COMMD10: variants seen among roughly 807,000 people sequenced by gnomAD.
The protein encoded by COMMD10 is COMM domain containing 10.
In COMMD10, 33 loss-of-function variants were observed where a neutral mutation model predicts 28.9. The observed-to-expected ratio is 1.14, with a 90% confidence interval of 0.87 to 1.53. The LOEUF is 1.53. Ranked by LOEUF, COMMD10 falls within the 40% of genes most tolerant of loss-of-function variation. The probability of loss-of-function intolerance (pLI) is 0.00; values close to 1 mark genes in which losing one functional copy is unlikely to be tolerated. For synonymous variants in COMMD10, 110 were observed against 81.7 expected (o/e 1.35, Z -1.87); for missense variants, 310 against 233.4 (o/e 1.33, Z -2.14).
intron 5 of COMMD10, among the ~76,000 whole-genome samples, chr5:116,194,869 A>G (rs1254325823): frequency 6.6e-6 from 1 of 152,154 alleles, no homozygotes; most frequent in East Asian, 1.9e-4. Context: ...CAAAAAAAGA[A>G]AACTACAGAC....
At chr5:116,161,335 GC>G (rs1752909721) in intron 5 of COMMD10, among the ~76,000 whole-genome samples, 2 of 152,120 alleles carry the variant, frequency 1.3e-5, no homozygotes, top group South Asian at 4.1e-4. Context: ...ATGGTTTAGT[GC>G]CGGCTGTATA....
chr5:116,112,017 T>C (rs1210630689), intron 4 of COMMD10, among the ~76,000 whole-genome samples: 1 of 152,200 alleles, frequency 6.6e-6, no homozygotes, highest in Non-Finnish European at 1.5e-5. Flanking sequence ...TATCAGGTTT[T>C]ATACTTTTGT....
At chr5:116,283,222 A>G (rs1414274684) in intron 5 of COMMD10, among the ~76,000 whole-genome samples, 1 of 151,940 alleles carries the variant, frequency 6.6e-6, no homozygotes, top group Non-Finnish European at 1.5e-5. Flanking sequence ...AAAAACGATG[A>G]CAGCAATAAA....
At chr5:116,135,196 A>G (rs550372667) in intron 5 of COMMD10, among the ~76,000 whole-genome samples, 142 of 152,302 alleles carry the variant, frequency 9.3e-4, no homozygotes, top group African/African-American at 3.2e-3. Flanking sequence ...GGTATTAGAG[A>G]AGATCTGAGG....
At chr5:116,239,898 G>A (rs1019510443) in intron 5 of COMMD10, among the ~76,000 whole-genome samples, 3 of 152,060 alleles carry the variant, frequency 2.0e-5, no homozygotes, top group South Asian at 2.1e-4. Context: ...CAACTGATTG[G>A]CACTATCTAC....
chr5:116,269,028 A>G (rs913128407), intron 5 of COMMD10, among the ~76,000 whole-genome samples: 5 of 151,874 alleles, frequency 3.3e-5, no homozygotes, highest in Admixed American at 1.3e-4. Flanking sequence ...GCACACCAAC[A>G]TGGCACGTGT....
At chr5:116,238,281 A>G (rs904251434) in intron 5 of COMMD10, among the ~76,000 whole-genome samples, 1 of 152,228 alleles carries the variant, frequency 6.6e-6, no homozygotes, top group African/African-American at 2.4e-5. Context: ...GAAAAACTGC[A>G]CATATTTACT....
chr5:116,153,031 A>C (rs1400967563), intron 5 of COMMD10, among the ~76,000 whole-genome samples: 1 of 152,084 alleles, frequency 6.6e-6, no homozygotes, highest in East Asian at 1.9e-4. Context: ...TTTAATAATA[A>C]GACTGCTACT....
intron 5 of COMMD10, among the ~76,000 whole-genome samples, chr5:116,174,827 C>T (rs1753448537): frequency 6.6e-6 from 1 of 152,120 alleles, no homozygotes; most frequent in South Asian, 2.1e-4. Context: ...AACAGTTGTC[C>T]TTGAAGTCTA....
intron 5 of COMMD10, among the ~76,000 whole-genome samples, chr5:116,160,352 A>G (rs1314243370): frequency 6.6e-6 from 1 of 152,210 alleles, no homozygotes; most frequent in Non-Finnish European, 1.5e-5. Context: ...TTGTTCCTGC[A>G]TTTGGCAATG....
At chr5:116,255,792 T>C (rs1750267269) in intron 5 of COMMD10, 1 of 151,274 alleles carries the variant, frequency 6.6e-6, no homozygotes, top group Admixed American at 6.6e-5. Context: ...GAGTGCTTAC[T>C]TTTTCGGGTT....
chr5:116,197,734 T>G (rs1748565810), intron 5 of COMMD10, among the ~76,000 whole-genome samples: 1 of 152,116 alleles, frequency 6.6e-6, no homozygotes, highest in Non-Finnish European at 1.5e-5. Flanking sequence ...TTCTGCCATT[T>G]TATTCACCTT....
chr5:116,125,264 G>A (rs1292958495), intron 4 of COMMD10, among the ~76,000 whole-genome samples: 3 of 151,968 alleles, frequency 2.0e-5, no homozygotes, highest in African/African-American at 7.2e-5. Flanking sequence ...GACAAAGTCT[G>A]TCAGCATTTG....
intron 4 of COMMD10, among the ~76,000 whole-genome samples, chr5:116,119,088 A>G (rs1469706991): frequency 6.6e-6 from 1 of 152,140 alleles, no homozygotes; most frequent in Non-Finnish European, 1.5e-5. Context: ...ATCTTCATAT[A>G]TTCTTGGTAT....
At chr5:116,101,042 T>C (rs1750643464) in intron 4 of COMMD10, among the ~76,000 whole-genome samples, 1 of 152,234 alleles carries the variant, frequency 6.6e-6, no homozygotes, top group Non-Finnish European at 1.5e-5. Flanking sequence ...TGGCCTCCAG[T>C]TTCATCCAAG....
chr5:116,291,592 A>G lies in COMMD10; in HGVS notation c.570+16A>G. The G allele has an allele frequency of 7.1e-7, 1 of 1,418,406 alleles. No homozygotes were observed. The highest frequency in any genetic ancestry group is 9.8e-7 in the Non-Finnish European group (1 of 1,025,056). The allele number at this position is 1,418,406 out of a possible 1,614,324, so 87.9% of individuals were successfully genotyped here. On this transcript the variant is annotated intron_variant, in intron 6 of 6. Coordinates refer to ENST00000274458, the MANE Select transcript of COMMD10 (RefSeq NM_016144.4). ...CTATAACAAGGTCTGTATTTTTAAA[A>G]TAATTTTCTAATATGTGGAGTTTTT...
intron 5 of COMMD10, among the ~76,000 whole-genome samples, chr5:116,269,936 C>A (rs932423012): frequency 2.6e-5 from 4 of 151,802 alleles, no homozygotes; most frequent in Non-Finnish European, 5.9e-5. Context: ...AGGTTAATTT[C>A]ACCTCTGTCA....
intron 4 of COMMD10, among the ~76,000 whole-genome samples, chr5:116,121,569 G>A (rs994938250): frequency 2.6e-5 from 4 of 152,080 alleles, no homozygotes; most frequent in African/African-American, 7.2e-5. Flanking sequence ...TGTCTTCCAC[G>A]ATGGTTGAAC....
chr5:116,251,825 G>A (rs926445036), intron 5 of COMMD10, among the ~76,000 whole-genome samples: 13 of 152,100 alleles, frequency 8.5e-5, no homozygotes, highest in Non-Finnish European at 1.9e-4. Context: ...GGGATGGCTG[G>A]ATCACATGGT....
Sources: allele counts gnomAD v4.1 joint callset (sites outside exome capture counted in the v4.1 genomes callset), GRCh38; gene constraint gnomAD v4.1.1; transcripts MANE v1.5; gene names NCBI Gene and HGNC (gene_info 2026-07-23, HGNC 2026-07-21).